Variants in EML4 observed in about 807,000 individuals in gnomAD.
EML4 encodes the protein echinoderm microtubule-associated protein-like 4.
In EML4, 72 loss-of-function variants were observed where a neutral mutation model predicts 129.0. The ratio of observed to expected loss-of-function variants is 0.56; its 90% CI spans 0.46 to 0.68. EML4 has a LOEUF of 0.68. Ranked by LOEUF, EML4 falls within the 30% of genes least tolerant of loss-of-function variation. The probability of loss-of-function intolerance (pLI) is 0.00; values close to 1 mark genes in which losing one functional copy is unlikely to be tolerated. For missense variants in EML4, 1,363 were observed against 1,190.6 expected (o/e 1.14, Z -2.13); for synonymous variants, 532 against 405.0 (o/e 1.31, Z -3.77).
At chr2:42,194,339 C>T (rs1469661864) in intron 1 of EML4, among the ~76,000 whole-genome samples, 1 of 102,992 alleles carries the variant, frequency 9.7e-6, no homozygotes, top group African/African-American at 3.8e-5. Flanking sequence ...TTTCACTTCT[C>T]TCTCTCTCTT....
intron 4 of EML4, among the ~76,000 whole-genome samples, chr2:42,262,131 T>G (rs1032751328): frequency 5.9e-5 from 9 of 152,122 alleles, no homozygotes; most frequent in Non-Finnish European, 1.2e-4. Context: ...TGGCTAGAAT[T>G]TTAATAAAAT....
chr2:42,205,918 C>G (rs1672511444), intron 1 of EML4, among the ~76,000 whole-genome samples: 1 of 152,130 alleles, frequency 6.6e-6, no homozygotes, highest in Admixed American at 6.5e-5. Context: ...TTCTTTCTCT[C>G]CTCTACCTAG....
At chr2:42,318,487 A>G (rs192381074) in intron 19 of EML4, among the ~76,000 whole-genome samples, 1 of 152,342 alleles carries the variant, frequency 6.6e-6, no homozygotes, top group African/African-American at 2.4e-5. Flanking sequence ...AAACTAGTCT[A>G]CAAACAACTT....
intron 1 of EML4, chr2:42,169,936 C>T: frequency 5.7e-6 from 2 of 350,802 alleles, no homozygotes; most frequent in Non-Finnish European, 1.0e-5. Context: ...GCTGGCACAC[C>T]CCTCCCCGTA....
chr2:42,268,636 CTG>C (rs1159659094), intron 6 of EML4, among the ~76,000 whole-genome samples: 5 of 152,110 alleles, frequency 3.3e-5, no homozygotes, highest in Admixed American at 1.3e-4. Context: ...CAGGGTGTCA[CTG>C]TGTTTCCCAG....
chr2:42,283,437 T>G (rs896470165), intron 8 of EML4, among the ~76,000 whole-genome samples: 1 of 152,100 alleles, frequency 6.6e-6, no homozygotes, highest in African/African-American at 2.4e-5. Flanking sequence ...ATACTACAAA[T>G]GTGAGAACTC....
Position 42,288,263 on chromosome 2 carries a change from A to G in EML4, c.1159A>G (p.Asn387Asp). The change falls in exon 11 of 23, where the codon AAT (asparagine) becomes GAT (aspartate). Residue 387 changes from asparagine (N) to aspartate (D), a missense_variant. Asn to Asp is a conservative substitution (Grantham distance 23). Transcript: ENST00000318522. ...TCATTTATGTATTATTGATGACTCC[A>G]ATGAGCATATGCTTACTGTATGGGA... ...GVHLCIIDDSNEHMLTVWDWQ... is the reference protein window; with the variant it reads ...GVHLCIIDDSDEHMLTVWDWQ... The G allele has an allele frequency of 6.4e-7, 1 of 1,565,426 alleles. No individual in the cohort carries two copies. The highest frequency in any genetic ancestry group is 8.8e-7 in the Non-Finnish European group (1 of 1,142,824).
intron 13 of EML4, among the ~76,000 whole-genome samples, chr2:42,296,271 C>G (rs1572709474): frequency 6.6e-6 from 1 of 152,126 alleles, no homozygotes; most frequent in South Asian, 2.1e-4. Flanking sequence ...GAGAGAGATT[C>G]TTAGCAGCAA....
chr2:42,329,091 A>G lies in EML4; in HGVS notation c.2472+75A>G. 2.7e-6 allele frequency: 4 copies of G among 1,462,906 alleles called. No homozygotes were observed. The South Asian group carries it at 5.2e-5, about 19-fold the overall frequency. The allele number at this position is 1,462,906 out of a possible 1,614,324, so 90.6% of individuals were successfully genotyped here. Reference sequence around the variant, plus strand: ...ATGATTTTGCATCCATAGCAAGAAAATATAGGTTACTGATTCCTCTCCATG... The same window carrying G: ...ATGATTTTGCATCCATAGCAAGAAAGTATAGGTTACTGATTCCTCTCCATG... On this transcript the variant is annotated intron_variant, in intron 22 of 22. Coordinates refer to ENST00000318522, the MANE Select transcript of EML4 (RefSeq NM_019063.5).
At chr2:42,206,233 A>T (rs966748467) in intron 1 of EML4, among the ~76,000 whole-genome samples, 19 of 152,132 alleles carry the variant, frequency 1.2e-4, no homozygotes, top group Admixed American at 1.0e-3. Flanking sequence ...TATTTTTTAG[A>T]GACAGGGTCT....
intron 2 of EML4, among the ~76,000 whole-genome samples, chr2:42,253,799 A>T (rs1335394927): frequency 6.6e-6 from 1 of 152,202 alleles, no homozygotes; most frequent in Non-Finnish European, 1.5e-5. Flanking sequence ...TGGATCATAG[A>T]CCTCAATGTA....
chr2:42,215,618 A>T (rs1020851155), intron 1 of EML4, among the ~76,000 whole-genome samples: 1 of 152,096 alleles, frequency 6.6e-6, no homozygotes, highest in South Asian at 2.1e-4. Context: ...ACATTTTGCT[A>T]TACTTGGGTT....
intron 13 of EML4, among the ~76,000 whole-genome samples, chr2:42,297,126 C>CA (rs1352417869): frequency 6.6e-6 from 1 of 152,172 alleles, no homozygotes; most frequent in Non-Finnish European, 1.5e-5. Context: ...AAAATTTACA[C>CA]ACGAGAAGAA....
chr2:42,173,682 C>G (rs1670407765), intron 1 of EML4, among the ~76,000 whole-genome samples: 1 of 151,860 alleles, frequency 6.6e-6, no homozygotes, highest in Non-Finnish European at 1.5e-5. Context: ...GACCCTGTCT[C>G]TGCAAAAAAA....
Position 42,238,681 on chromosome 2 carries a change from A to G in EML4, c.26-6824A>G, listed in dbSNP as rs540076081. Among the ~76,000 whole-genome samples the G allele has an allele frequency of 9.9e-5, 15 of 152,166 alleles. No individual in the cohort carries two copies. In the East Asian group the frequency reaches 2.1e-3, roughly 22 times the overall value. On this transcript the variant is annotated intron_variant, in intron 1 of 22. Coordinates refer to ENST00000318522, the MANE Select transcript of EML4 (RefSeq NM_019063.5). ...TGCCCAGGCTGGAGTGCAAGGGTGC[A>G]GTTATAGCTCACTGCAGCCTTGAAC...
At chr2:42,303,477 C>A in intron 16 of EML4, 31 bp downstream of exon 16, 3 of 1,604,736 alleles carry the variant, frequency 1.9e-6, no homozygotes, top group Non-Finnish European at 2.6e-6. Context: ...TTATTAACCT[C>A]CCCACAGAAA....
At chr2:42,216,492 C>T (rs909116145) in intron 1 of EML4, among the ~76,000 whole-genome samples, 8 of 151,510 alleles carry the variant, frequency 5.3e-5, no homozygotes, top group African/African-American at 1.5e-4. Flanking sequence ...CCACCTATCT[C>T]GGCTTCCCAA....
chr2:42,237,474 T>A (rs189285810), intron 1 of EML4, among the ~76,000 whole-genome samples: 150 of 152,318 alleles, frequency 9.8e-4, no homozygotes, highest in African/African-American at 3.6e-3. Context: ...TTAATCTTCT[T>A]GGATTTTATT....
chr2:42,197,308 C>G (rs1671951135), intron 1 of EML4, among the ~76,000 whole-genome samples: 1 of 152,138 alleles, frequency 6.6e-6, no homozygotes, highest in African/African-American at 2.4e-5. Flanking sequence ...AAGTGATCCG[C>G]TTGCCTCAGC....
Sources: allele counts gnomAD v4.1 joint callset (sites outside exome capture counted in the v4.1 genomes callset), GRCh38; gene constraint gnomAD v4.1.1; transcripts MANE v1.5; gene names NCBI Gene and HGNC (gene_info 2026-07-23, HGNC 2026-07-21).